The following SDK1 variants were observed in gnomAD, a reference collection of about 807,000 sequenced individuals.
The protein encoded by SDK1 is protein sidekick-1.
A neutral mutation model predicts 245.5 loss-of-function variants in SDK1; 157 were observed. That is an observed-to-expected ratio of 0.64 (90% CI 0.56 to 0.73). The LOEUF (loss-of-function observed/expected upper bound fraction) is 0.73. Ranked by LOEUF, SDK1 falls within the 30% of genes least tolerant of loss-of-function variation. The pLI, the probability that SDK1 is intolerant of heterozygous loss-of-function variation, is 0.00. For missense variants in SDK1, 3,583 were observed against 3,002.3 expected, an observed-to-expected ratio of 1.19 and a Z score of -4.52; for synonymous variants, 1,647 against 1,278.5, an observed-to-expected ratio of 1.29 and a Z score of -6.15.
chr7:3,881,775 T>C (rs764146443), intron 5 of SDK1, among the ~76,000 whole-genome samples: 3 of 152,156 alleles, frequency 2.0e-5, no homozygotes, highest in Non-Finnish European at 4.4e-5. Context: ...CCAGAATGGT[T>C]CCTATAAATG....
intron 18 of SDK1, 29 bp downstream of exon 18, chr7:4,049,492 G>A (rs1460235510): frequency 3.2e-6 from 5 of 1,539,706 alleles, no homozygotes; most frequent in Non-Finnish European, 4.5e-6. Context: ...GGGCCTGTGG[G>A]CAGCTGTCAT....
intron 4 of SDK1, among the ~76,000 whole-genome samples, chr7:3,705,718 T>A (rs1384862223): frequency 6.6e-6 from 1 of 152,060 alleles, no homozygotes; most frequent in Non-Finnish European, 1.5e-5. Flanking sequence ...AATTTGACTC[T>A]CTCTTTTCCA....
At chr7:3,978,370 T>C (rs547417724) in intron 13 of SDK1, among the ~76,000 whole-genome samples, 37 of 152,318 alleles carry the variant, frequency 2.4e-4, no homozygotes, top group African/African-American at 8.7e-4. Context: ...GTAAAATACA[T>C]TTTTCAGCAA....
chr7:3,937,240 C>T (rs1214669957), intron 5 of SDK1, among the ~76,000 whole-genome samples: 2 of 152,274 alleles, frequency 1.3e-5, no homozygotes, highest in East Asian at 3.9e-4. Context: ...TTTATGAGGC[C>T]CCTATGACAT....
chr7:4,210,514 C>T (rs898015469), intron 38 of SDK1, among the ~76,000 whole-genome samples: 5 of 152,132 alleles, frequency 3.3e-5, no homozygotes, highest in African/African-American at 9.7e-5. Flanking sequence ...CTGTGGTCGC[C>T]GACAGAGACC....
intron 5 of SDK1, among the ~76,000 whole-genome samples, chr7:3,847,997 C>A (rs113386547): frequency 2.6e-5 from 4 of 152,198 alleles, no homozygotes; most frequent in African/African-American, 9.7e-5. Context: ...CTGCAACATA[C>A]GTATCACATC....
chr7:3,562,630 C>G (rs1779783206), intron 1 of SDK1, among the ~76,000 whole-genome samples: 1 of 152,130 alleles, frequency 6.6e-6, no homozygotes, highest in African/African-American at 2.4e-5. Flanking sequence ...GTTTTTAAAA[C>G]TATTTTTTCT....
At chr7:3,757,765 G>A (rs978961596) in intron 4 of SDK1, among the ~76,000 whole-genome samples, 3 of 152,110 alleles carry the variant, frequency 2.0e-5, no homozygotes, top group Admixed American at 2.0e-4. Context: ...ATAGAAGCAT[G>A]ACTGATTAAA....
chr7:4,198,738 A>G (rs1005567562), intron 35 of SDK1, among the ~76,000 whole-genome samples: 2 of 151,818 alleles, frequency 1.3e-5, no homozygotes, highest in Non-Finnish European at 2.9e-5. Flanking sequence ...ATCCAAGTTC[A>G]TATCGAGCTC....
chr7:3,466,026 G>A (rs1219254061), intron 1 of SDK1, among the ~76,000 whole-genome samples: 1 of 152,092 alleles, frequency 6.6e-6, no homozygotes, highest in Non-Finnish European at 1.5e-5. Flanking sequence ...GGTGCTTCAG[G>A]AGGGGCTGGT....
chr7:3,416,060 G>C (rs1197736544), intron 1 of SDK1, among the ~76,000 whole-genome samples: 1 of 152,140 alleles, frequency 6.6e-6, no homozygotes, highest in African/African-American at 2.4e-5. Flanking sequence ...CAGGATAAAA[G>C]AGGTCTTTGC....
intron 5 of SDK1, among the ~76,000 whole-genome samples, chr7:3,828,849 G>A (rs557463644): frequency 6.6e-6 from 1 of 151,644 alleles, no homozygotes; most frequent in Non-Finnish European, 1.5e-5. Flanking sequence ...TGTAGAGACA[G>A]TCTGGCTATG....
Position 3,696,511 on chromosome 7 carries a change from T to C in SDK1, c.713+54406T>C, listed in dbSNP as rs1784575245. Among the ~76,000 whole-genome samples, 3 of 152,102 alleles carry C rather than the reference T, an allele frequency of 2.0e-5. No individual in the cohort carries two copies. The South Asian group carries it at 6.2e-4, about 32-fold the overall frequency. ...CTCATCTGAGCCCAGGATTTGGTGA[T>C]GGTGCTCTGTAATATGTAGTCCAAC... On this transcript the variant is annotated intron_variant, in intron 4 of 44. Transcript: ENST00000404826.
intron 4 of SDK1, among the ~76,000 whole-genome samples, chr7:3,687,673 A>G (rs1784329188): frequency 6.6e-6 from 1 of 152,168 alleles, no homozygotes; most frequent in Non-Finnish European, 1.5e-5. Flanking sequence ...GAATGACAGA[A>G]TTATCAGAGT....
At chr7:3,359,493 C>A (rs1780895245) in intron 1 of SDK1, among the ~76,000 whole-genome samples, 1 of 152,076 alleles carries the variant, frequency 6.6e-6, no homozygotes, top group Non-Finnish European at 1.5e-5. Context: ...GGCTAGTAGC[C>A]TTTAGTTTTT....
intron 5 of SDK1, among the ~76,000 whole-genome samples, chr7:3,919,967 C>T (rs955948032): frequency 3.3e-5 from 5 of 152,020 alleles, no homozygotes; most frequent in African/African-American, 9.7e-5. Flanking sequence ...GCAGAGGGGG[C>T]ACCACCAGCT....
At chr7:3,890,257 G>A (rs1023740438) in intron 5 of SDK1, among the ~76,000 whole-genome samples, 4 of 152,194 alleles carry the variant, frequency 2.6e-5, no homozygotes, top group African/African-American at 7.2e-5. Context: ...GTAGGCGCTA[G>A]CCACATGGAG....
At chr7:3,892,626 C>G (rs184646019) in intron 5 of SDK1, among the ~76,000 whole-genome samples, 1 of 152,138 alleles carries the variant, frequency 6.6e-6, no homozygotes, top group Non-Finnish European at 1.5e-5. Flanking sequence ...AAAAGAAACC[C>G]AGGAGAGAGT....
intron 39 of SDK1, among the ~76,000 whole-genome samples, chr7:4,220,985 A>G (rs927961412): frequency 6.7e-5 from 10 of 150,048 alleles, no homozygotes; most frequent in African/African-American, 2.5e-4. Context: ...AGTTTTTGCA[A>G]TGTTGCCCAA....
Sources: allele counts gnomAD v4.1 joint callset (sites outside exome capture counted in the v4.1 genomes callset), GRCh38; gene constraint gnomAD v4.1.1; transcripts MANE v1.5; gene names NCBI Gene and HGNC (gene_info 2026-07-23, HGNC 2026-07-21).